The following TSPAN18 variants were observed in gnomAD, a reference collection of about 807,000 sequenced individuals.
TSPAN18 encodes tetraspanin-18.
In TSPAN18, 14 loss-of-function variants were observed where a neutral mutation model predicts 27.3. The ratio of observed to expected loss-of-function variants is 0.51; its 90% CI spans 0.34 to 0.80. TSPAN18 has a LOEUF of 0.80. TSPAN18 is among the 30% of genes least tolerant of loss of function. The pLI is 0.01. For synonymous variants in TSPAN18, 143 were observed against 136.5 expected, an observed-to-expected ratio of 1.05 and a Z score of -0.33; for missense variants, 268 against 323.9, an observed-to-expected ratio of 0.83 and a Z score of 1.32.
At chr11:44,864,286 CAAAAAAAAA>C (rs34906166) in intron 3 of TSPAN18, among the ~76,000 whole-genome samples, 1 of 92,104 alleles carries the variant, frequency 1.1e-5, no homozygotes, top group South Asian at 4.8e-4. Flanking sequence ...GACTCCGTCT[CAAAAAAAAA>C]AAAAAAAAAA....
intron 3 of TSPAN18, chr11:44,886,498 G>C (rs1858658520): frequency 6.6e-6 from 1 of 152,254 alleles, no homozygotes; most frequent in Non-Finnish European, 1.5e-5. Flanking sequence ...AATCATCTCT[G>C]CTGTGCTGGC....
intron 2 of TSPAN18, among the ~76,000 whole-genome samples, chr11:44,828,371 C>T (rs148379035): frequency 3.7e-4 from 56 of 152,238 alleles, no homozygotes; most frequent in African/African-American, 1.2e-3. Context: ...ATGGAAGCCT[C>T]GATCTTCCAT....
At chr11:44,738,729 T>C (rs1340509849) in intron 1 of TSPAN18, among the ~76,000 whole-genome samples, 1 of 152,244 alleles carries the variant, frequency 6.6e-6, no homozygotes, top group Non-Finnish European at 1.5e-5. Flanking sequence ...GGCCTCATTA[T>C]AACTTAATTG....
chr11:44,926,146 A>G (rs1860344758), intron 8 of TSPAN18, among the ~76,000 whole-genome samples: 1 of 152,174 alleles, frequency 6.6e-6, no homozygotes, highest in Admixed American at 6.5e-5. Context: ...TCCTTGGGGA[A>G]GTGGCCGAAA....
chr11:44,731,655 A>AGAGAGAGAGAGAGAG (rs34031795), intron 1 of TSPAN18, among the ~76,000 whole-genome samples: 1 of 150,112 alleles, frequency 6.7e-6, no homozygotes, highest in African/African-American at 2.5e-5. Flanking sequence ...AGAGAGAGAG[A>AGAGAGAGAGAGAGAG]AAATCTGTCT....
intron 2 of TSPAN18, among the ~76,000 whole-genome samples, chr11:44,766,684 C>A (rs1855574960): frequency 1.3e-5 from 2 of 152,174 alleles, no homozygotes. Flanking sequence ...TAGCCTTGCC[C>A]CTCTTGTTAG....
intron 2 of TSPAN18, among the ~76,000 whole-genome samples, chr11:44,780,978 C>T (rs775230771): frequency 8.5e-5 from 13 of 152,206 alleles, no homozygotes; most frequent in Admixed American, 5.9e-4. Context: ...TCAGACACGG[C>T]GGTGAGCTTA....
intron 3 of TSPAN18, among the ~76,000 whole-genome samples, chr11:44,899,151 A>T (rs1172644611): frequency 6.6e-6 from 1 of 152,212 alleles, no homozygotes; most frequent in East Asian, 1.9e-4. Flanking sequence ...TGGAATTCCC[A>T]CTAAGTCAAG....
intron 1 of TSPAN18, among the ~76,000 whole-genome samples, chr11:44,728,106 C>T (rs1854562319): frequency 6.6e-6 from 1 of 152,220 alleles, no homozygotes; most frequent in African/African-American, 2.4e-5. Flanking sequence ...GGACCACAGA[C>T]ACCCAACTTA....
chr11:44,824,797 C>T (rs898460927), intron 2 of TSPAN18, among the ~76,000 whole-genome samples: 1 of 152,096 alleles, frequency 6.6e-6, no homozygotes, highest in South Asian at 2.1e-4. Flanking sequence ...TGGGAGAAGC[C>T]GGAGAAAGGA....
chr11:44,882,587 GACACACACACACACAC>G (rs748475836), intron 3 of TSPAN18, among the ~76,000 whole-genome samples: 1 of 130,770 alleles, frequency 7.6e-6, no homozygotes, highest in African/African-American at 3.0e-5. Context: ...CAGAGAGAGA[GACACACACACACACAC>G]ACACACACAC....
chr11:44,787,667 C>T (rs143840924), intron 2 of TSPAN18, among the ~76,000 whole-genome samples: 182 of 152,330 alleles, frequency 1.2e-3, no homozygotes, highest in African/African-American at 4.0e-3. Context: ...GCATGTAAAA[C>T]GTTAAAACTC....
chr11:44,920,119 G>A, intron 8 of TSPAN18, 120 bp downstream of exon 8: 1 of 1,074,130 alleles, frequency 9.3e-7, no homozygotes, highest in Non-Finnish European at 1.3e-6. Flanking sequence ...CCAGGGAAGT[G>A]TTGGCCATGA....
At chr11:44,759,642 C>G (rs912588679) in intron 1 of TSPAN18, among the ~76,000 whole-genome samples, 2 of 152,196 alleles carry the variant, frequency 1.3e-5, no homozygotes, top group African/African-American at 4.8e-5. Flanking sequence ...CCAATTATAG[C>G]CTAGTTCCTT....
At chr11:44,832,648 C>T (rs149440438) in intron 2 of TSPAN18, among the ~76,000 whole-genome samples, 9 of 152,294 alleles carry the variant, frequency 5.9e-5, no homozygotes, top group African/African-American at 9.6e-5. Flanking sequence ...CTCATTGTCC[C>T]GGGGACCCTG....
At chr11:44,921,190 C>T (rs1349176418) in intron 8 of TSPAN18, among the ~76,000 whole-genome samples, 1 of 152,200 alleles carries the variant, frequency 6.6e-6, no homozygotes, top group Non-Finnish European at 1.5e-5. Flanking sequence ...GAAATGAGGG[C>T]CCTGAGTTGA....
chr11:44,806,907 G>C (rs906461293), intron 2 of TSPAN18, among the ~76,000 whole-genome samples: 1 of 152,156 alleles, frequency 6.6e-6, no homozygotes, highest in Non-Finnish European at 1.5e-5. Context: ...ACATGAACTG[G>C]AATGCTTTTT....
intron 1 of TSPAN18, among the ~76,000 whole-genome samples, chr11:44,731,596 TTGTGTGTGTGTGTG>T (rs796756282): frequency 1.7e-5 from 2 of 117,890 alleles, no homozygotes; most frequent in Non-Finnish European, 1.8e-5. Context: ...GGGGCCTGGA[TTGTGTGTGTGTGTG>T]TGTGTGTGTG....
chr11:44,792,616 A>G (rs1031870160), intron 2 of TSPAN18, among the ~76,000 whole-genome samples: 1 of 152,188 alleles, frequency 6.6e-6, no homozygotes, highest in Non-Finnish European at 1.5e-5. Context: ...GGGCCTCTCC[A>G]TCATGGGCTT....
Sources: gnomAD v4.1 joint callset for allele counts (sites outside exome capture counted in the v4.1 genomes callset) on GRCh38, gnomAD v4.1.1 for gene constraint, MANE v1.5 for transcripts, NCBI Gene and HGNC (gene_info 2026-07-23, HGNC 2026-07-21) for gene names.